The following FCHSD2 variants were observed in gnomAD, a reference collection of about 807,000 sequenced individuals.
FCHSD2 encodes F-BAR and double SH3 domains protein 2.
In FCHSD2, 38 loss-of-function variants were observed where a neutral mutation model predicts 108.1. That is an observed-to-expected ratio of 0.35 (90% CI 0.27 to 0.46). The LOEUF (loss-of-function observed/expected upper bound fraction) is 0.46, where lower values mean the gene tolerates loss of function less well. FCHSD2 is among the 20% of genes least tolerant of loss of function. The pLI, the probability that FCHSD2 is intolerant of heterozygous loss-of-function variation, is 1.00. For synonymous variants in FCHSD2, 279 were observed against 314.7 expected, an observed-to-expected ratio of 0.89 and a Z score of 1.20; for missense variants, 751 against 897.8, an observed-to-expected ratio of 0.84 and a Z score of 2.09.
chr11:72,990,742 C>T (rs1857395389), intron 5 of FCHSD2, among the ~76,000 whole-genome samples: 1 of 152,152 alleles, frequency 6.6e-6, no homozygotes, highest in Non-Finnish European at 1.5e-5. Context: ...ACTAAATGCC[C>T]ACAAGAGAAA....
chr11:72,912,815 CT>C (rs952809618), intron 9 of FCHSD2, among the ~76,000 whole-genome samples: 2 of 152,146 alleles, frequency 1.3e-5, no homozygotes, highest in African/African-American at 4.8e-5. Flanking sequence ...GTTTTTTCAT[CT>C]CTTCAGGTTT....
chr11:72,956,383 G>A (rs952839934), intron 8 of FCHSD2, among the ~76,000 whole-genome samples: 1 of 152,092 alleles, frequency 6.6e-6, no homozygotes, highest in African/African-American at 2.4e-5. Context: ...GGTGAGTGGA[G>A]GTCTGACAAG....
intron 13 of FCHSD2, among the ~76,000 whole-genome samples, chr11:72,859,678 C>G (rs769803867): frequency 2.6e-5 from 4 of 152,104 alleles, no homozygotes; most frequent in Admixed American, 2.6e-4. Context: ...GAGAGATGCG[C>G]AGAACTTAGG....
Position 72,985,087 on chromosome 11 carries a change from A to G in FCHSD2, c.551T>C (p.Ile184Thr). The change falls in exon 7 of 20, where the codon ATC becomes ACC. Residue 184 changes from isoleucine (I) to threonine (T), a missense_variant. By Grantham distance (89) the Ile-to-Thr change is moderately conservative. Coordinates refer to ENST00000409418, the MANE Select transcript of FCHSD2 (RefSeq NM_014824.3). ...KSKLSLFQSR[I>T]SLQKASVKLK... ...CTTTACACTTGCCTTCTGTAAACTGATTCTTGATTGAAAAAGACTAAGTTT... is the reference window on the plus strand; with the variant it reads ...CTTTACACTTGCCTTCTGTAAACTGGTTCTTGATTGAAAAAGACTAAGTTT... 7.9e-7 allele frequency: 1 copy of G among 1,272,088 alleles called. No individual in the cohort carries two copies. Among genetic ancestry groups the G allele is most frequent in the Non-Finnish European group, 1.1e-6 (1 of 896,312 alleles). The allele number at this position is 1,272,088 out of a possible 1,614,324, so 78.8% of individuals were successfully genotyped here.
At chr11:73,007,080 CATT>C (rs1430075850) in intron 4 of FCHSD2, among the ~76,000 whole-genome samples, 1 of 152,084 alleles carries the variant, frequency 6.6e-6, no homozygotes, top group East Asian at 1.9e-4. Context: ...TCTTCTGTAC[CATT>C]ATTTTCTTAT....
At chr11:73,063,888 G>T (rs1859227785) in intron 3 of FCHSD2, among the ~76,000 whole-genome samples, 1 of 152,130 alleles carries the variant, frequency 6.6e-6, no homozygotes, top group African/African-American at 2.4e-5. Flanking sequence ...TAATGAGACA[G>T]AAAATTAACA....
chr11:73,026,370 G>A (rs571033774), intron 3 of FCHSD2, among the ~76,000 whole-genome samples: 8 of 152,258 alleles, frequency 5.3e-5, no homozygotes, highest in African/African-American at 1.9e-4. Context: ...AGTTGCTCTT[G>A]CCACTGGGAG....
intron 2 of FCHSD2, among the ~76,000 whole-genome samples, chr11:73,136,251 T>C (rs1290173141): frequency 6.6e-6 from 1 of 152,206 alleles, no homozygotes. Context: ...TACAGTCTAA[T>C]GTGCTGTAGA....
chr11:73,119,797 T>C (rs1434415011), intron 2 of FCHSD2, among the ~76,000 whole-genome samples: 2 of 152,196 alleles, frequency 1.3e-5, no homozygotes, highest in Non-Finnish European at 2.9e-5. Context: ...ATTCTACTTC[T>C]AGAAATTTAT....
chr11:72,950,249 T>A (rs138009125), intron 8 of FCHSD2, among the ~76,000 whole-genome samples: 1 of 152,316 alleles, frequency 6.6e-6, no homozygotes, highest in Non-Finnish European at 1.5e-5. Context: ...TAAATCCTTT[T>A]CAGATATGTA....
intron 3 of FCHSD2, among the ~76,000 whole-genome samples, chr11:73,027,842 G>A (rs1858264403): frequency 6.6e-6 from 1 of 152,386 alleles, no homozygotes; most frequent in Non-Finnish European, 1.5e-5. Context: ...TGGCTAAAAG[G>A]GGCCAAGGTA....
chr11:73,081,442 A>T (rs1281696091), intron 3 of FCHSD2, among the ~76,000 whole-genome samples: 1 of 152,212 alleles, frequency 6.6e-6, no homozygotes, highest in African/African-American at 2.4e-5. Context: ...TCAATTAAAT[A>T]AATAAATAAA....
intron 2 of FCHSD2, among the ~76,000 whole-genome samples, chr11:73,119,961 TG>T (rs1235546086): frequency 6.6e-6 from 1 of 152,150 alleles, no homozygotes; most frequent in Non-Finnish European, 1.5e-5. Context: ...TCCACATGGC[TG>T]GGGAAGCCTC....
chr11:72,925,071 G>C (rs1315067877), intron 8 of FCHSD2, among the ~76,000 whole-genome samples: 1 of 151,884 alleles, frequency 6.6e-6, no homozygotes, highest in African/African-American at 2.4e-5. Flanking sequence ...AAAAAAATAA[G>C]GCATGGATTT....
intron 8 of FCHSD2, among the ~76,000 whole-genome samples, chr11:72,927,905 T>C (rs1279682730): frequency 1.3e-5 from 2 of 152,204 alleles, no homozygotes; most frequent in African/African-American, 4.8e-5. Context: ...AGGAATGACC[T>C]TGAGCTCTGA....
chr11:73,051,270 G>A (rs888947240), intron 3 of FCHSD2, among the ~76,000 whole-genome samples: 1 of 152,066 alleles, frequency 6.6e-6, no homozygotes, highest in Admixed American at 6.6e-5. Context: ...AGCCAAGATT[G>A]CATTATTGCA....
intron 5 of FCHSD2, among the ~76,000 whole-genome samples, chr11:72,991,540 T>A (rs907744712): frequency 2.6e-5 from 4 of 152,316 alleles, no homozygotes; most frequent in Non-Finnish European, 5.9e-5. Flanking sequence ...ATCCCCGGGA[T>A]GCAAGGCTGG....
In FCHSD2 at chr11:72,944,394, G is replaced by A. The variant is rs887695587; in HGVS notation, c.706-22444C>T. ...TCAATAAATTAGGTATTGATGGGACGTATCTCAAAATAATAAGAACTATCT... is the reference window on the plus strand; with the variant it reads ...TCAATAAATTAGGTATTGATGGGACATATCTCAAAATAATAAGAACTATCT... On this transcript the variant is annotated intron_variant, in intron 8 of 19. Transcript: ENST00000409418. Among the ~76,000 whole-genome samples the A allele has an allele frequency of 4.6e-5, 7 of 151,982 alleles. No homozygotes were observed. The East Asian group carries it at 7.7e-4, about 17-fold the overall frequency.
At chr11:72,845,986 T>A (rs1861123202) in intron 14 of FCHSD2, among the ~76,000 whole-genome samples, 2 of 152,092 alleles carry the variant, frequency 1.3e-5, no homozygotes. Flanking sequence ...TCAAGCACTA[T>A]TTGTTGAATG....
Sources: gnomAD v4.1 joint callset for allele counts (sites outside exome capture counted in the v4.1 genomes callset) on GRCh38, gnomAD v4.1.1 for gene constraint, MANE v1.5 for transcripts, NCBI Gene and HGNC (gene_info 2026-07-23, HGNC 2026-07-21) for gene names.